The following NEBL variants were observed in gnomAD, a reference collection of about 807,000 sequenced individuals.
NEBL encodes LIM and SH3 protein 2.
NEBL carries 122 observed loss-of-function variants against 140.2 expected under a neutral mutation model. That is an observed-to-expected ratio of 0.87 (90% confidence interval 0.75 to 1.01). The LOEUF (loss-of-function observed/expected upper bound fraction) is 1.01, where lower values mean the gene tolerates loss of function less well. NEBL is among the 50% of genes least tolerant of loss of function. The pLI is 0.00. For missense variants in NEBL, 1,365 were observed against 1,231.3 expected, an observed-to-expected ratio of 1.11 and a Z score of -1.62; for synonymous variants, 436 against 398.9, an observed-to-expected ratio of 1.09 and a Z score of -1.11.
intron 3 of NEBL, among the ~76,000 whole-genome samples, chr10:21,199,803 C>A (rs1241518847): frequency 6.6e-6 from 1 of 152,164 alleles, no homozygotes; most frequent in Non-Finnish European, 1.5e-5. Flanking sequence ...CCAGTGTGTG[C>A]CAGGAATTTT....
At chr10:21,116,091 C>T (rs1005098544) in intron 2 of NEBL, among the ~76,000 whole-genome samples, 12 of 151,954 alleles carry the variant, frequency 7.9e-5, no homozygotes, top group African/African-American at 2.2e-4. Flanking sequence ...TTCCATGACT[C>T]TCTTTATCAT....
intron 20 of NEBL, among the ~76,000 whole-genome samples, 167 bp from the exon 21 acceptor site, chr10:20,817,859 T>C (rs1056163194): frequency 6.6e-6 from 1 of 152,234 alleles, no homozygotes; most frequent in Non-Finnish European, 1.5e-5. Context: ...TGGGTCTGAT[T>C]TAGCAAGCAC....
intron 2 of NEBL, among the ~76,000 whole-genome samples, chr10:21,120,946 A>G (rs1838544113): frequency 6.6e-6 from 1 of 152,124 alleles, no homozygotes; most frequent in South Asian, 2.1e-4. Flanking sequence ...CAAGATGATG[A>G]TGGGATACTG....
chr10:20,935,797 G>A (rs892553298), intron 4 of NEBL, among the ~76,000 whole-genome samples: 3 of 152,044 alleles, frequency 2.0e-5, no homozygotes, highest in African/African-American at 7.2e-5. Context: ...GCTCATTTGT[G>A]AAATAATAAT....
At chr10:20,821,616 C>T (rs959791867) in intron 19 of NEBL, among the ~76,000 whole-genome samples, 1 of 152,156 alleles carries the variant, frequency 6.6e-6, no homozygotes, top group Middle Eastern at 3.4e-3. Context: ...AACTAGTCAC[C>T]CTTCTTTTGG....
intron 2 of NEBL, among the ~76,000 whole-genome samples, chr10:21,157,657 T>A (rs1840387881): frequency 6.6e-6 from 1 of 152,218 alleles, no homozygotes; most frequent in Non-Finnish European, 1.5e-5. Context: ...TTCTCTAGCA[T>A]CAAAAACACA....
intron 1 of NEBL, among the ~76,000 whole-genome samples, chr10:21,266,879 G>C (rs1842802419): frequency 6.6e-6 from 1 of 152,132 alleles, no homozygotes; most frequent in African/African-American, 2.4e-5. Flanking sequence ...CCGGGTTCAA[G>C]CAATTTGCTG....
At chr10:21,156,274 A>C (rs191094515) in intron 2 of NEBL, among the ~76,000 whole-genome samples, 1 of 152,342 alleles carries the variant, frequency 6.6e-6, no homozygotes, top group African/African-American at 2.4e-5. Context: ...AGCACGGGGC[A>C]AAAAAGTACA....
At chr10:21,223,637 G>A (rs187412520) in intron 3 of NEBL, among the ~76,000 whole-genome samples, 205 of 152,292 alleles carry the variant, frequency 1.3e-3, no homozygotes, top group African/African-American at 4.6e-3. Flanking sequence ...GTTCTCCATA[G>A]TAGTTGTATT....
intron 12 of NEBL, among the ~76,000 whole-genome samples, chr10:20,842,091 A>G (rs1207250595): frequency 1.3e-5 from 2 of 152,070 alleles, no homozygotes; most frequent in Admixed American, 6.6e-5. Context: ...AATTTCCTTT[A>G]TTGATAAGAA....
rs1471444768 is a variant in NEBL at position 21,150,225 on chromosome 10, A to G, written c.164+22158T>C. 5.3e-5 allele frequency among the ~76,000 whole-genome samples: 8 copies of G among 152,364 alleles called. No homozygotes were observed. In the East Asian group the frequency reaches 1.2e-3, roughly 22 times the overall value. On this transcript the variant is annotated intron_variant, in intron 2 of 6. Transcript: ENST00000417816. ...TATTTTTCTCTACTTCCATAGCCTC[A>G]TTTATGTGCGGCTTGCATCTTTTTT...
At chr10:21,018,344 A>G (rs1410959327) in intron 3 of NEBL, among the ~76,000 whole-genome samples, 1 of 152,168 alleles carries the variant, frequency 6.6e-6, no homozygotes, top group Admixed American at 6.5e-5. Context: ...TACCTGATGA[A>G]CCCTAACTTG....
At chr10:21,040,061 G>A (rs1288069925) in intron 2 of NEBL, among the ~76,000 whole-genome samples, 2 of 152,126 alleles carry the variant, frequency 1.3e-5, no homozygotes, top group African/African-American at 4.8e-5. Flanking sequence ...CCTGAGCCTG[G>A]GTAATCTCTA....
intron 8 of NEBL, among the ~76,000 whole-genome samples, chr10:20,859,455 T>C (rs1160678809): frequency 1.3e-5 from 2 of 152,108 alleles, no homozygotes; most frequent in Non-Finnish European, 2.9e-5. Flanking sequence ...CAAAATTCTA[T>C]AATCTATTTC....
At chr10:21,253,821 G>T (rs1251923097) in intron 1 of NEBL, among the ~76,000 whole-genome samples, 4 of 152,094 alleles carry the variant, frequency 2.6e-5, no homozygotes, top group African/African-American at 9.7e-5. Flanking sequence ...TGGGATTACA[G>T]GCATGAGCCA....
intron 4 of NEBL, among the ~76,000 whole-genome samples, chr10:20,886,583 G>A (rs1026090001): frequency 1.3e-5 from 2 of 152,050 alleles, no homozygotes; most frequent in Admixed American, 6.6e-5. Context: ...AGAAAAAGAG[G>A]GTTAGAAATG....
chr10:21,036,170 G>A (rs941551752), intron 2 of NEBL, among the ~76,000 whole-genome samples: 10 of 151,638 alleles, frequency 6.6e-5, no homozygotes, highest in Non-Finnish European at 1.3e-4. Context: ...AAAGAAAAAA[G>A]AAAGAAAAGG....
At chr10:20,950,994 G>C (rs1206037755) in intron 4 of NEBL, among the ~76,000 whole-genome samples, 2 of 152,128 alleles carry the variant, frequency 1.3e-5, no homozygotes, top group African/African-American at 4.8e-5. Context: ...TTGTGGCCTG[G>C]TATGGTGGCT....
At chr10:21,020,370 T>A (rs981155353) in intron 2 of NEBL, among the ~76,000 whole-genome samples, 3 of 152,100 alleles carry the variant, frequency 2.0e-5, no homozygotes, top group African/African-American at 7.2e-5. Context: ...CCTCATCCCA[T>A]TCTCATGGCT....
Sources: gnomAD v4.1 joint callset for allele counts (sites outside exome capture counted in the v4.1 genomes callset) on GRCh38, gnomAD v4.1.1 for gene constraint, MANE v1.5 for transcripts, NCBI Gene and HGNC (gene_info 2026-07-23, HGNC 2026-07-21) for gene names.